OR11H4: variants seen among roughly 807,000 people sequenced by gnomAD.
OR11H4 encodes the protein olfactory receptor 11H4.
For missense variants in OR11H4, 460 were observed against 371.1 expected (o/e 1.24, Z -1.97); for synonymous variants, 162 against 142.3 (o/e 1.14, Z -0.98).
intron 1 of OR11H4, among the ~76,000 whole-genome samples, chr14:20,242,112 A>G (rs1323668881): frequency 6.6e-6 from 1 of 151,980 alleles, no homozygotes; most frequent in Non-Finnish European, 1.5e-5. Flanking sequence ...CTCTTTTACT[A>G]ATCCACGTCA....
Position 20,243,408 on chromosome 14 carries a change from A to T in OR11H4, c.587A>T (p.Glu196Val). ...ALSCAPAPIT[E>V]CIFYTQSSLV... is the part of the protein sequence containing the mutation. ...TCCTGTGCCCCAGCTCCCATAACTG[A>T]ATGTATTTTCTATACTCAGAGCTCC... The change falls in exon 2 of 2, where the codon GAA becomes GTA. Residue 196 changes from glutamate to valine, a missense_variant. Physicochemically the swap from Glu to Val is moderately radical, Grantham distance 121. Transcript: ENST00000641082. 6.2e-7 allele frequency: 1 copy of T among 1,613,882 alleles called. No individual in the cohort carries two copies. Among genetic ancestry groups the T allele is most frequent in the African/African-American group, 1.3e-5 (1 of 74,994 alleles).
At chr14:20,242,711 C>A in intron 1 of OR11H4, 100 bp from the exon 2 acceptor site, 1 of 1,358,242 alleles carries the variant, frequency 7.4e-7, no homozygotes, top group Middle Eastern at 2.4e-4. Context: ...TTCCTGTATA[C>A]CTCAAGTTCT....
At position 20,242,940 on chromosome 14, in the gene OR11H4, T is replaced by C. The variant is rs1251158736; in HGVS notation, c.119T>C (p.Leu40Pro). The C allele has an allele frequency of 3.1e-6, 5 of 1,614,188 alleles. No homozygotes were observed. Among genetic ancestry groups the C allele is most frequent in the Non-Finnish European group, 4.2e-6 (5 of 1,180,014 alleles). Residue 40 changes from leucine (L) to proline (P), a missense_variant, in exon 2 of 2, where the codon CTG (leucine) becomes CCG (proline). Coordinates refer to ENST00000641082, the MANE Select transcript of OR11H4 (RefSeq NM_001004479.2). ...TTGGTGATTTATGTCTTGACCTTGC[T>C]GGGAAATGGAGCCATCATCTATGCA... ...LFLVIYVLTL[L>P]GNGAIIYAVR...
In OR11H4 at chr14:20,243,079, C is replaced by G; in HGVS notation, c.258C>G (p.Leu86=). 6.2e-7 allele frequency: 1 copy of G among 1,614,178 alleles called. No homozygotes were observed. Among genetic ancestry groups the G allele is most frequent in the East Asian group, 2.2e-5 (1 of 44,890 alleles). The change falls in exon 2 of 2, where the codon CTC becomes CTG. Residue 86 remains leucine, a synonymous_variant. Transcript: ENST00000641082. The part of the protein sequence containing the change: ...STIPNMLVNI[L]SKTKAISFSG... The stretch of plus-strand genomic sequence containing the variant: ...TTCCTAACATGCTAGTCAACATTCT[C>G]TCCAAGACCAAGGCCATCTCATTTT...
In OR11H4 at chr14:20,243,207, C is replaced by G; in HGVS notation, c.386C>G (p.Pro129Arg). Reference protein sequence around the residue: ...AYDRYLAICHPLQYPAIMTVR... With the variant: ...AYDRYLAICHRLQYPAIMTVR... ...GATCGATACCTGGCCATCTGCCACC[C>G]ACTGCAGTACCCTGCCATCATGACT... The change falls in exon 2 of 2, where the codon CCA (proline) becomes CGA (arginine). Residue 129 changes from proline to arginine, a missense_variant. Physicochemically the swap from Pro to Arg is moderately radical, Grantham distance 103 (BLOSUM62 -2). Transcript: ENST00000641082. The G allele has an allele frequency of 1.2e-6, 2 of 1,614,066 alleles. No individual in the cohort carries two copies. The highest frequency in any genetic ancestry group is 1.7e-6 in the Non-Finnish European group (2 of 1,179,924).
At position 20,243,272 on chromosome 14, in the gene OR11H4, A is replaced by G; in HGVS notation, c.451A>G (p.Ile151Val). Residue 151 changes from isoleucine (I) to valine (V), a missense_variant, in exon 2 of 2, where the codon ATT (isoleucine) becomes GTT (valine). Ile to Val is a conservative substitution (Grantham distance 29). Transcript: ENST00000641082. Reference sequence around the variant, plus strand: ...TAAGCTGGTGTCTTTCTGTTGGCTTATTGGATTCCTTGGATACCCAATTCC... The same window carrying G: ...TAAGCTGGTGTCTTTCTGTTGGCTTGTTGGATTCCTTGGATACCCAATTCC... ...CGKLVSFCWL[I>V]GFLGYPIPIF... 1 of 1,614,050 alleles carries G rather than the reference A, an allele frequency of 6.2e-7. No individual in the cohort carries two copies. Among genetic ancestry groups the G allele is most frequent in the Non-Finnish European group, 8.5e-7 (1 of 1,180,012 alleles).
chr14:20,241,494 G>C (rs1419798290), intron 1 of OR11H4, among the ~76,000 whole-genome samples: 1 of 152,110 alleles, frequency 6.6e-6, no homozygotes, highest in Non-Finnish European at 1.5e-5. Flanking sequence ...AGCTGAAAAG[G>C]TCTTCTCAAG....
chr14:20,240,149 G>A (rs17108120), intron 1 of OR11H4, among the ~76,000 whole-genome samples: 20,940 of 152,148 alleles, frequency 0.14, 1,706 homozygotes, highest in African/African-American at 0.22. Context: ...GGGAGGCTCA[G>A]ATCTCACAAT....
At chr14:20,242,132 C>T (rs1388032739) in intron 1 of OR11H4, among the ~76,000 whole-genome samples, 1 of 152,024 alleles carries the variant, frequency 6.6e-6, no homozygotes, top group African/African-American at 2.4e-5. Flanking sequence ...AGCACAGACC[C>T]TTTACGGGTG....
At position 20,243,016 on chromosome 14, in the gene OR11H4, T is replaced by A. The variant is rs750078035; in HGVS notation, c.195T>A (p.Asn65Lys). 9 of 1,614,016 alleles carry A rather than the reference T, an allele frequency of 5.6e-6. No homozygotes were observed. Among genetic ancestry groups the A allele is most frequent in the African/African-American group, 1.3e-5 (1 of 74,892 alleles). Residue 65 changes from asparagine (N) to lysine (K), a missense_variant, in exon 2 of 2, where the codon AAT (asparagine) becomes AAA (lysine). Asn to Lys is a moderately conservative substitution (Grantham distance 94). Coordinates refer to ENST00000641082, the MANE Select transcript of OR11H4 (RefSeq NM_001004479.2). ...LHTPMYFLLG[N>K]FAFLEIWYVS... Reference sequence around the variant, plus strand: ...CCCCCATGTACTTTCTGCTGGGAAATTTTGCCTTCCTTGAGATCTGGTATG... The same window carrying A: ...CCCCCATGTACTTTCTGCTGGGAAAATTTGCCTTCCTTGAGATCTGGTATG...
rs761370231 is a variant in OR11H4 at position 20,243,009 on chromosome 14, T to A, written c.188T>A (p.Leu63Gln). Residue 63 changes from leucine to glutamine, a missense_variant, in exon 2 of 2, where the codon CTG (leucine) becomes CAG (glutamine). Physicochemically the swap from Leu to Gln is moderately radical, Grantham distance 113 (BLOSUM62 -2). Transcript: ENST00000641082. ...PLLHTPMYFL[L>Q]GNFAFLEIWY... ...CTACACACCCCCATGTACTTTCTGC[T>A]GGGAAATTTTGCCTTCCTTGAGATC... 2 of 1,614,192 alleles carry A rather than the reference T, an allele frequency of 1.2e-6. No homozygotes were observed. The highest frequency in any genetic ancestry group is 2.2e-5 in the South Asian group (2 of 91,090).
Position 20,243,117 on chromosome 14 carries a change from T to A in OR11H4, c.296T>A (p.Leu99His). 1 of 1,614,200 alleles carries A rather than the reference T, an allele frequency of 6.2e-7. No homozygotes were observed. Among genetic ancestry groups the A allele is most frequent in the Non-Finnish European group, 8.5e-7 (1 of 1,180,036 alleles). Residue 99 changes from leucine (L) to histidine (H), a missense_variant, in exon 2 of 2, where the codon CTC (leucine) becomes CAC (histidine). Leu to His is a moderately conservative substitution (Grantham distance 99, BLOSUM62 -3). Transcript: ENST00000641082. ...GCCATCTCATTTTCTGGGTGCTTCC[T>A]CCAGTTCTATTTCTTCTTTTCACTG... ...TKAISFSGCF[L>H]QFYFFFSLGT... is the part of the protein sequence containing the mutation.
chr14:20,243,358 T>G lies in OR11H4; in HGVS notation c.537T>G (p.Cys179Trp). 6.2e-7 allele frequency: 1 copy of G among 1,614,072 alleles called. No individual in the cohort carries two copies. The highest frequency in any genetic ancestry group is 8.5e-7 in the Non-Finnish European group (1 of 1,179,936). ...CTAATATCATTGATCACTTCCTGTG[T>G]GACATGGACCCATTGATGGCTCTAT... ...CGPNIIDHFL[C>W]DMDPLMALSC... The change falls in exon 2 of 2, where the codon TGT (cysteine) becomes TGG (tryptophan). Residue 179 changes from cysteine (C) to tryptophan (W), a missense_variant. Cys to Trp is a radical substitution (Grantham distance 215). Coordinates refer to ENST00000641082, the MANE Select transcript of OR11H4 (RefSeq NM_001004479.2).
chr14:20,242,854 G>A lies in OR11H4; in HGVS notation c.33G>A (p.Glu11=), dbSNP rs1479121860. MNRSATHIVT[E]FILLGFPGCW... ...GGTCAGCAACACACATCGTGACAGAGTTTATTCTCCTGGGATTCCCTGGTT... is the reference window on the plus strand; with the variant it reads ...GGTCAGCAACACACATCGTGACAGAATTTATTCTCCTGGGATTCCCTGGTT... Residue 11 remains glutamate, a synonymous_variant, in exon 2 of 2, where the codon GAG becomes GAA. Transcript: ENST00000641082. 5 of 1,613,994 alleles carry A rather than the reference G, an allele frequency of 3.1e-6. No individual in the cohort carries two copies. Among genetic ancestry groups the A allele is most frequent in the South Asian group, 1.1e-5 (1 of 91,086 alleles).
intron 1 of OR11H4, among the ~76,000 whole-genome samples, chr14:20,239,693 GAAAAAA>G (rs939588522): frequency 6.9e-6 from 1 of 145,122 alleles, no homozygotes; most frequent in African/African-American, 2.5e-5. Flanking sequence ...GACTGTCTCA[GAAAAAA>G]AAAAGAAAAA....
Position 20,242,933 on chromosome 14 carries a change from A to G in OR11H4, c.112A>G (p.Thr38Ala), listed in dbSNP as rs757915151. 6.2e-7 allele frequency: 1 copy of G among 1,614,026 alleles called. No homozygotes were observed. The highest frequency in any genetic ancestry group is 8.5e-7 in the Non-Finnish European group (1 of 1,180,004). The stretch of plus-strand genomic sequence containing the variant: ...ATTGTTTTTGGTGATTTATGTCTTG[A>G]CCTTGCTGGGAAATGGAGCCATCAT... ...FSLFLVIYVL[T>A]LLGNGAIIYA... Residue 38 changes from threonine (T) to alanine (A), a missense_variant, in exon 2 of 2, where the codon ACC (threonine) becomes GCC (alanine). Transcript: ENST00000641082.
Position 20,243,515 on chromosome 14 carries a change from G to C in OR11H4, c.694G>C (p.Ala232Pro). 1 of 1,613,914 alleles carries C rather than the reference G, an allele frequency of 6.2e-7. No homozygotes were observed. The highest frequency in any genetic ancestry group is 8.5e-7 in the Non-Finnish European group (1 of 1,179,944). ...LTAVFQVPSA[A>P]GRRKAFSTCG... ...AGCTGTTTTTCAGGTCCCTTCTGCA[G>C]CTGGTCGGAGAAAAGCCTTCTCTAC... The change falls in exon 2 of 2, where the codon GCT (alanine) becomes CCT (proline). Residue 232 changes from alanine to proline, a missense_variant. Ala to Pro is a conservative substitution (Grantham distance 27). Transcript: ENST00000641082.
intron 1 of OR11H4, among the ~76,000 whole-genome samples, chr14:20,242,121 C>CAG (rs1221212899): frequency 1.7e-4 from 26 of 152,150 alleles, no homozygotes; most frequent in African/African-American, 6.0e-4. Context: ...TAATCCACGT[C>CAG]AGCACAGACC....
At chr14:20,239,445 A>C (rs1880866603) in intron 1 of OR11H4, 114 bp downstream of exon 1, 1 of 152,508 alleles carries the variant, frequency 6.6e-6, no homozygotes, top group South Asian at 2.1e-4. Flanking sequence ...CTGTAATCCC[A>C]CCACTTTGGG....
Sources: allele counts gnomAD v4.1 joint callset (sites outside exome capture counted in the v4.1 genomes callset), GRCh38; gene constraint gnomAD v4.1.1; transcripts MANE v1.5; gene names NCBI Gene and HGNC (gene_info 2026-07-23, HGNC 2026-07-21).